TMEM26: variants seen among roughly 807,000 people sequenced by gnomAD.
The protein encoded by TMEM26 is transmembrane protein 26.
A neutral mutation model predicts 28.8 loss-of-function variants in TMEM26; 38 were observed. That is an observed-to-expected ratio of 1.32 (90% confidence interval 1.02 to 1.73). The LOEUF (loss-of-function observed/expected upper bound fraction) is 1.73, where lower values mean the gene tolerates loss of function less well. TMEM26 is among the 40% of genes most tolerant of loss of function. The pLI is 0.00. For missense variants in TMEM26, 518 were observed against 447.1 expected, an observed-to-expected ratio of 1.16 and a Z score of -1.43; for synonymous variants, 227 against 182.9, an observed-to-expected ratio of 1.24 and a Z score of -1.95.
At chr10:61,422,806 G>C (rs1014551030) in intron 4 of TMEM26, among the ~76,000 whole-genome samples, 2 of 151,892 alleles carry the variant, frequency 1.3e-5, no homozygotes, top group Non-Finnish European at 2.9e-5. Context: ...AAGCATAAAG[G>C]AAAAATTAAA....
intron 4 of TMEM26, among the ~76,000 whole-genome samples, chr10:61,425,355 A>G (rs909177937): frequency 6.6e-6 from 1 of 152,194 alleles, no homozygotes; most frequent in African/African-American, 2.4e-5. Context: ...TATCAATAAG[A>G]AAACAAAAGA....
rs76962580 is a variant in TMEM26 at position 61,433,185 on chromosome 10, G to A, written c.271-1853C>T. Among the ~76,000 whole-genome samples the A allele has an allele frequency of 6.5e-3, 996 of 152,196 alleles. 30 individuals carry two copies. Among genetic ancestry groups the A allele is most frequent in the East Asian group, 0.063 (324 of 5,182 alleles). On this transcript the variant is annotated intron_variant, in intron 2 of 5. Transcript: ENST00000399298. ...TAACTTGGAAGCAAATAGCTTCATAGTCCATATTATGGTATTAAGACTTAT... is the reference window on the plus strand; with the variant it reads ...TAACTTGGAAGCAAATAGCTTCATAATCCATATTATGGTATTAAGACTTAT...
chr10:61,452,357 C>T (rs1195815747), intron 1 of TMEM26, among the ~76,000 whole-genome samples: 1 of 152,220 alleles, frequency 6.6e-6, no homozygotes, highest in Non-Finnish European at 1.5e-5. Flanking sequence ...GCGCGACGCG[C>T]GCGGCTGGAG....
chr10:61,428,807 G>A (rs553188803), intron 4 of TMEM26, 119 bp downstream of exon 4: 7 of 831,778 alleles, frequency 8.4e-6, no homozygotes, highest in African/African-American at 3.4e-5. Context: ...TGATCCTAAC[G>A]TTGCATATAA....
intron 4 of TMEM26, among the ~76,000 whole-genome samples, chr10:61,427,829 G>A (rs1839857096): frequency 6.6e-6 from 1 of 151,956 alleles, no homozygotes; most frequent in Admixed American, 6.6e-5. Flanking sequence ...TGTTTTTCTT[G>A]TAACAACATT....
Position 61,413,490 on chromosome 10 carries a change from C to T in TMEM26, c.651G>A (p.Trp217Ter), listed in dbSNP as rs1451539443. The T allele has an allele frequency of 1.2e-6, 2 of 1,612,846 alleles. No homozygotes were observed. Among genetic ancestry groups the T allele is most frequent in the African/African-American group, 1.3e-5 (1 of 74,840 alleles). Residue 217 changes from tryptophan (W) to a stop codon, truncating the protein, a stop_gained, in exon 5 of 6, where the codon TGG (tryptophan) becomes TGA (stop). Coordinates refer to ENST00000399298, the MANE Select transcript of TMEM26 (RefSeq NM_178505.8). LOFTEE classifies it low-confidence loss of function (END_TRUNC). Reference protein sequence around the residue: ...LVYAILVIWTWSMLQFPLDLA... With the variant: ...LVYAILVIWT ...GGTCAAGTGGAAACTGCAGCATGCT[C>T]CAAGTCCATATAACAAGGATGGCAT...
At chr10:61,413,041 T>G (rs371734464) in intron 5 of TMEM26, 55 of 1,088,268 alleles carry the variant, frequency 5.1e-5, no homozygotes, top group Non-Finnish European at 6.2e-5. Context: ...TAATAAGAAA[T>G]AAAACTTTTA....
intron 4 of TMEM26, chr10:61,415,048 G>A (rs1839628664): frequency 1.0e-6 from 1 of 985,216 alleles, no homozygotes; most frequent in African/African-American, 1.7e-5. Context: ...TCATGACTTG[G>A]TGGACATTGA....
chr10:61,441,105 G>T (rs1438907900), intron 1 of TMEM26, among the ~76,000 whole-genome samples: 2 of 151,610 alleles, frequency 1.3e-5, no homozygotes, highest in African/African-American at 2.4e-5. Flanking sequence ...AAATATTTTT[G>T]ATCTGCAGTT....
At position 61,428,806 on chromosome 10, in the gene TMEM26, C is replaced by A. The variant is rs1229434901; in HGVS notation, c.605+120G>T. 1.1e-5 allele frequency: 9 copies of A among 819,790 alleles called. No homozygotes were observed. The South Asian group carries it at 1.4e-4, about 13-fold the overall frequency. 50.8% of individuals were successfully genotyped at this position (819,790 alleles called of 1,614,324 possible). ...ACAGCAGCAAATTCTCTGATCCTAA[C>A]GTTGCATATAAAATATACTAAAAAT... is the stretch of plus-strand genomic sequence containing the variant. On this transcript the variant is annotated intron_variant, in intron 4 of 5. Transcript: ENST00000399298.
intron 2 of TMEM26, among the ~76,000 whole-genome samples, chr10:61,433,072 C>T (rs2135315532): frequency 6.6e-6 from 1 of 152,164 alleles, no homozygotes; most frequent in South Asian, 2.1e-4. Flanking sequence ...AAATGGCGAC[C>T]TTAATATGTT....
At position 61,412,822 on chromosome 10, in the gene TMEM26, T is replaced by C. The variant is rs544797035; in HGVS notation, c.682+637A>G. The C allele has an allele frequency of 7.5e-4, 377 of 501,546 alleles. 5 individuals carry two copies. The South Asian group carries it at 0.01, about 13-fold the overall frequency. 31.1% of individuals were successfully genotyped at this position (501,546 alleles called of 1,614,324 possible). ...AGCGATGTGTGGTTGGTGGGTCCCCTGTTGAACAATGCAGCCCTAGATTAT... is the reference window on the plus strand; with the variant it reads ...AGCGATGTGTGGTTGGTGGGTCCCCCGTTGAACAATGCAGCCCTAGATTAT... On this transcript the variant is annotated intron_variant, in intron 5 of 5. Coordinates refer to ENST00000399298, the MANE Select transcript of TMEM26 (RefSeq NM_178505.8).
intron 4 of TMEM26, among the ~76,000 whole-genome samples, chr10:61,417,611 A>T (rs1032416303): frequency 6.6e-6 from 1 of 152,014 alleles, no homozygotes; most frequent in Non-Finnish European, 1.5e-5. Context: ...TCTGCAAAAT[A>T]AAAATAAAAC....
chr10:61,450,297 G>T (rs560501415), intron 1 of TMEM26, among the ~76,000 whole-genome samples: 1 of 151,872 alleles, frequency 6.6e-6, no homozygotes, highest in South Asian at 2.1e-4. Flanking sequence ...CTAGATTTTC[G>T]AATGGAAATT....
At chr10:61,414,886 AG>A (rs1839625764) in intron 4 of TMEM26, 9 of 636,050 alleles carry the variant, frequency 1.4e-5, no homozygotes, top group Non-Finnish European at 1.8e-5. Flanking sequence ...CTTCTGAAAA[AG>A]TCTCCCATAG....
At chr10:61,415,308 G>T (rs948557841) in intron 4 of TMEM26, among the ~76,000 whole-genome samples, 2 of 152,080 alleles carry the variant, frequency 1.3e-5, no homozygotes, top group Admixed American at 6.6e-5. Context: ...ATCATAGGTT[G>T]CTTCACAAGA....
chr10:61,417,073 G>A (rs1241783339), intron 4 of TMEM26, among the ~76,000 whole-genome samples: 2 of 151,960 alleles, frequency 1.3e-5, no homozygotes, highest in Non-Finnish European at 2.9e-5. Flanking sequence ...AAAATTCTCA[G>A]GAAGGTTAAA....
intron 1 of TMEM26, 186 bp downstream of exon 1, chr10:61,452,705 A>G (rs1335379408): frequency 4.7e-6 from 3 of 640,592 alleles, no homozygotes; most frequent in East Asian, 5.6e-5. Context: ...TTGCACTGGG[A>G]CCCTAGGGTG....
intron 1 of TMEM26, among the ~76,000 whole-genome samples, chr10:61,443,164 A>G (rs980639802): frequency 2.0e-5 from 3 of 152,102 alleles, no homozygotes; most frequent in African/African-American, 7.2e-5. Context: ...AAAAGGTGCC[A>G]AGATCAGGCC....
Sources: gnomAD v4.1 joint callset for allele counts (sites outside exome capture counted in the v4.1 genomes callset) on GRCh38, gnomAD v4.1.1 for gene constraint, MANE v1.5 for transcripts, NCBI Gene and HGNC (gene_info 2026-07-23, HGNC 2026-07-21) for gene names.